The following USH2A variants were observed in gnomAD, a reference collection of about 807,000 sequenced individuals.
The protein encoded by USH2A is usherin, also known as Usher syndrome 2A (autosomal recessive, mild).
In USH2A, 443 loss-of-function variants were observed where a neutral mutation model predicts 538.9. The ratio of observed to expected loss-of-function variants is 0.82; its 90% confidence interval spans 0.76 to 0.89. The LOEUF (loss-of-function observed/expected upper bound fraction) is 0.89, where lower values mean the gene tolerates loss of function less well. Ranked by LOEUF, USH2A falls within the 40% of genes least tolerant of loss-of-function variation. The pLI is 0.00. For synonymous variants in USH2A, 2,413 were observed against 2,273.5 expected, an observed-to-expected ratio of 1.06 and a Z score of -1.75; for missense variants, 6,633 against 6,324.8, an observed-to-expected ratio of 1.05 and a Z score of -1.65.
At chr1:215,972,168 G>T (rs1249210965) in intron 35 of USH2A, among the ~76,000 whole-genome samples, 1 of 152,094 alleles carries the variant, frequency 6.6e-6, no homozygotes, top group Non-Finnish European at 1.5e-5. Flanking sequence ...ATTGGGTTTT[G>T]CCAGTGGGAG....
intron 32 of USH2A, among the ~76,000 whole-genome samples, chr1:216,039,111 G>T (rs1225032970): frequency 6.6e-6 from 1 of 152,000 alleles, no homozygotes; most frequent in Non-Finnish European, 1.5e-5. Context: ...AACCACAACT[G>T]ATATTCAAAC....
At chr1:216,109,807 C>T (rs1014647969) in intron 21 of USH2A, among the ~76,000 whole-genome samples, 13 of 152,212 alleles carry the variant, frequency 8.5e-5, no homozygotes, top group African/African-American at 2.9e-4. Flanking sequence ...CTGCATTAAT[C>T]GGACCTCTGC....
intron 30 of USH2A, among the ~76,000 whole-genome samples, chr1:216,059,836 T>C (rs538201339): frequency 2.0e-5 from 3 of 152,328 alleles, no homozygotes; most frequent in African/African-American, 7.2e-5. Flanking sequence ...CCTTTCTATA[T>C]GGGGCATGAC....
At chr1:215,817,235 T>C in intron 47 of USH2A, 40 bp from the exon 48 acceptor site, 1 of 1,594,796 alleles carries the variant, frequency 6.3e-7, no homozygotes, top group African/African-American at 1.3e-5. Context: ...GAAAAGACAC[T>C]ATTTAACATT....
chr1:216,187,690 A>G (rs549846408), intron 20 of USH2A, among the ~76,000 whole-genome samples: 11 of 152,066 alleles, frequency 7.2e-5, no homozygotes, highest in African/African-American at 2.6e-4. Flanking sequence ...TGTGACTAAC[A>G]AAAGTCTTCT....
At chr1:216,247,334 T>A in intron 12 of USH2A, 108 bp from the exon 13 acceptor site, 1 of 1,405,358 alleles carries the variant, frequency 7.1e-7, no homozygotes, top group Non-Finnish European at 9.8e-7. Context: ...AAATATTGAG[T>A]GTTTTCTCAC....
rs555468093 is a variant in USH2A at position 215,640,811 on chromosome 1, A to T, written c.14792-77T>A. On this transcript the variant is annotated intron_variant, in intron 67 of 71. Transcript: ENST00000307340. ...GCAGGTGTGCACTTTAAAAAAAAAA[A>T]ATATGAGCAAAATCAAACCGAACCA... 167 of 1,443,906 alleles carry T rather than the reference A, an allele frequency of 1.2e-4. No individual in the cohort carries two copies. The Admixed American group carries it at 1.9e-3, about 16-fold the overall frequency. The allele number at this position is 1,443,906 out of a possible 1,614,324, so 89.4% of individuals were successfully genotyped here. A position where few individuals can be genotyped will look rare whatever the true frequency, so the allele number is the denominator to read the frequency against.
chr1:215,735,530 T>A (rs1234623670), intron 60 of USH2A, among the ~76,000 whole-genome samples: 1 of 152,140 alleles, frequency 6.6e-6, no homozygotes, highest in East Asian at 1.9e-4. Flanking sequence ...GCTCACAAAT[T>A]TATTATTTTG....
At chr1:216,263,885 A>G (rs1188982340) in intron 11 of USH2A, among the ~76,000 whole-genome samples, 1 of 152,160 alleles carries the variant, frequency 6.6e-6, no homozygotes, top group African/African-American at 2.4e-5. Context: ...GCACTCCACC[A>G]AAAAACTCTT....
chr1:216,166,817 T>C (rs1403862807), intron 21 of USH2A, among the ~76,000 whole-genome samples: 1 of 152,160 alleles, frequency 6.6e-6, no homozygotes, highest in East Asian at 1.9e-4. Context: ...TTTAATTTTC[T>C]GCTGGAGGGA....
chr1:216,101,471 G>A (rs77678066), intron 21 of USH2A, among the ~76,000 whole-genome samples: 1,584 of 152,270 alleles, frequency 0.01, 27 homozygotes, highest in African/African-American at 0.037. Flanking sequence ...GTGGACATGC[G>A]GTGTGCGCAG....
chr1:216,059,700 T>C (rs1458498131), intron 30 of USH2A, among the ~76,000 whole-genome samples: 2 of 152,254 alleles, frequency 1.3e-5, no homozygotes, highest in East Asian at 3.8e-4. Flanking sequence ...ATTATACTGC[T>C]CTCACTTTTA....
intron 62 of USH2A, among the ~76,000 whole-genome samples, chr1:215,679,337 G>C (rs113474140): frequency 0.017 from 2,636 of 152,312 alleles, 74 homozygotes; most frequent in African/African-American, 0.057. Context: ...GCAAAGAAAA[G>C]GGTAGTGTGT....
chr1:216,230,329 T>C (rs1239138351), intron 14 of USH2A, among the ~76,000 whole-genome samples: 1 of 152,166 alleles, frequency 6.6e-6, no homozygotes, highest in Non-Finnish European at 1.5e-5. Context: ...GTGCTTTTTA[T>C]TTACTATTTA....
At chr1:216,277,487 A>T (rs537264369) in intron 11 of USH2A, among the ~76,000 whole-genome samples, 71 of 152,240 alleles carry the variant, frequency 4.7e-4, no homozygotes, top group East Asian at 4.1e-3. Context: ...TGAGATGCTC[A>T]TGGGGTACTC....
chr1:215,807,596 T>C (rs918759062), intron 49 of USH2A, among the ~76,000 whole-genome samples: 3 of 152,156 alleles, frequency 2.0e-5, no homozygotes, highest in African/African-American at 7.2e-5. Flanking sequence ...AAAGTCTTTT[T>C]CTCTTCAAAG....
At chr1:215,935,182 A>AT (rs1666463050) in intron 37 of USH2A, among the ~76,000 whole-genome samples, 1 of 151,926 alleles carries the variant, frequency 6.6e-6, no homozygotes, top group Non-Finnish European at 1.5e-5. Context: ...AAATCCCTGA[A>AT]TTTTTTTGGA....
intron 4 of USH2A, among the ~76,000 whole-genome samples, chr1:216,354,718 C>T (rs1266518312): frequency 6.6e-6 from 1 of 150,668 alleles, no homozygotes; most frequent in East Asian, 1.9e-4. Flanking sequence ...AAAATGAAAA[C>T]AAAGGAACAA....
intron 34 of USH2A, 117 bp from the exon 35 acceptor site, chr1:215,993,284 C>T: frequency 1.4e-6 from 2 of 1,461,010 alleles, no homozygotes; most frequent in Non-Finnish European, 1.9e-6. Flanking sequence ...GCTACCTTTA[C>T]TTCCCCAAAA....
Sources: allele counts gnomAD v4.1 joint callset (sites outside exome capture counted in the v4.1 genomes callset), GRCh38; gene constraint gnomAD v4.1.1; transcripts MANE v1.5; gene names NCBI Gene and HGNC (gene_info 2026-07-23, HGNC 2026-07-21).